The following ANK1 variants were observed in gnomAD, a reference collection of about 807,000 sequenced individuals.
The protein encoded by ANK1 is ankyrin 1, also known as ankyrin-1.
Under a neutral mutation model 210.4 loss-of-function variants are expected in ANK1, and 51 were observed. That is an observed-to-expected ratio of 0.24 (90% CI 0.19 to 0.31). The LOEUF (loss-of-function observed/expected upper bound fraction) is 0.31, where lower values mean the gene tolerates loss of function less well. ANK1 is among the 10% of genes least tolerant of loss of function. The pLI, the probability that ANK1 is intolerant of heterozygous loss-of-function variation, is 1.00. For missense variants in ANK1, 2,051 were observed against 2,504.4 expected (o/e 0.82, Z 3.86); for synonymous variants, 967 against 1,025.9 (o/e 0.94, Z 1.10).
chr8:41,735,977 A>C (rs1352043384), intron 2 of ANK1, among the ~76,000 whole-genome samples: 1 of 151,918 alleles, frequency 6.6e-6, no homozygotes, highest in Non-Finnish European at 1.5e-5. Flanking sequence ...GGGGTGGTTC[A>C]CCAAATATTT....
chr8:41,751,389 G>A (rs1350850257), intron 2 of ANK1, among the ~76,000 whole-genome samples: 2 of 152,174 alleles, frequency 1.3e-5, no homozygotes, highest in Non-Finnish European at 2.9e-5. Context: ...CCTGCTCGAT[G>A]TTACCAAGCC....
intron 2 of ANK1, among the ~76,000 whole-genome samples, chr8:41,741,273 C>T (rs1249609292): frequency 2.0e-5 from 3 of 152,198 alleles, no homozygotes; most frequent in Admixed American, 6.5e-5. Context: ...CCTCCCTCCA[C>T]CCCTGCCTGC....
At chr8:41,661,281 G>T in intron 42 of ANK1, 149 bp downstream of exon 42, 2 of 1,213,364 alleles carry the variant, frequency 1.6e-6, no homozygotes, top group Non-Finnish European at 2.3e-6. Flanking sequence ...TAGCAGGGTT[G>T]GGAAGTGAGA....
Position 41,859,104 on chromosome 8 carries a change from A to C in ANK1, c.126+37251T>G, listed in dbSNP as rs376889765. On this transcript the variant is annotated intron_variant, in intron 1 of 42. Coordinates refer to the ANK1 transcript ENST00000265709. ...GGGTCAAGGGAATCGGGTCCTGGGGATTTCCCGCCCAAAGAGCGCAGGCCC... is the reference window on the plus strand; with the variant it reads ...GGGTCAAGGGAATCGGGTCCTGGGGCTTTCCCGCCCAAAGAGCGCAGGCCC... 1.8e-4 allele frequency among the ~76,000 whole-genome samples: 27 copies of C among 152,316 alleles called. No individual in the cohort carries two copies. In the East Asian group the frequency reaches 5.2e-3, roughly 29 times the overall value.
At chr8:41,848,673 T>A (rs1810568092) in intron 1 of ANK1, among the ~76,000 whole-genome samples, 1 of 152,246 alleles carries the variant, frequency 6.6e-6, no homozygotes, top group South Asian at 2.1e-4. Context: ...TCTCACCCTT[T>A]TTGAAAGAGA....
Position 41,716,946 on chromosome 8 carries a change from T to C in ANK1, c.1404+7A>G. 1.2e-6 allele frequency: 2 copies of C among 1,613,680 alleles called. No homozygotes were observed. The highest frequency in any genetic ancestry group is 1.7e-6 in the Non-Finnish European group (2 of 1,179,852). On this transcript the variant is annotated splice_region_variant and intron_variant, in intron 13 of 42. Transcript: ENST00000289734. ...GAAACCCTTCCCTTCCTGCCTTCAC[T>C]ACTCACCTTGGCCTTGGCATTGACT...
chr8:41,832,868 G>A (rs1806938247), intron 1 of ANK1, among the ~76,000 whole-genome samples: 1 of 152,230 alleles, frequency 6.6e-6, no homozygotes, highest in Non-Finnish European at 1.5e-5. Flanking sequence ...CACCACACCA[G>A]AAGGTAATCC....
chr8:41,793,687 T>G (rs1463352834), intron 1 of ANK1, among the ~76,000 whole-genome samples: 1 of 152,218 alleles, frequency 6.6e-6, no homozygotes, highest in Non-Finnish European at 1.5e-5. Flanking sequence ...TGACAGCTCA[T>G]GCTCCAGAAC....
In ANK1 at chr8:41,690,237, G is replaced by A. The variant is rs771548626; in HGVS notation, c.4094C>T (p.Pro1365Leu). The change falls in exon 33 of 43, where the codon CCC becomes CTC. Residue 1365 changes from proline to leucine, a missense_variant. By Grantham distance (98) the Pro-to-Leu change is moderately conservative. Coordinates refer to ENST00000289734, the MANE Select transcript of ANK1 (RefSeq NM_000037.4). ...CAGGTGCCAGCTCACCTTGGCGCAG[G>A]GGGGCATGGTGATGTTCAGGTGGCA... ...ILCHLNITMP[P>L]CAKGSGAEDR... 9 of 1,614,108 alleles carry A rather than the reference G, an allele frequency of 5.6e-6. No homozygotes were observed. The highest frequency in any genetic ancestry group is 2.2e-5 in the South Asian group (2 of 91,092).
At position 41,756,793 on chromosome 8, in the gene ANK1, G is replaced by C. The variant is rs1372130893; in HGVS notation, c.129+1243C>G. On this transcript the variant is annotated intron_variant, in intron 2 of 42. Coordinates refer to ENST00000289734, the MANE Select transcript of ANK1 (RefSeq NM_000037.4). ...GGATGGATAGGGAAACAGTAGATGA[G>C]GGGGTAGGACAGAGGCATGTCGCCC... Among the ~76,000 whole-genome samples, 4 of 152,204 alleles carry C rather than the reference G, an allele frequency of 2.6e-5. No individual in the cohort carries two copies. The East Asian group carries it at 7.7e-4, about 29-fold the overall frequency.
chr8:41,727,548 C>G (rs766476774), intron 4 of ANK1, among the ~76,000 whole-genome samples, 200 bp from the exon 5 acceptor site: 1 of 152,162 alleles, frequency 6.6e-6, no homozygotes, highest in Admixed American at 6.5e-5. Context: ...TGCCTCCCCT[C>G]GCCACCGTAG....
chr8:41,696,901 C>T (rs951260253), intron 24 of ANK1, 128 bp from the exon 25 acceptor site: 118 of 875,852 alleles, frequency 1.3e-4, no homozygotes, highest in Non-Finnish European at 1.9e-4. Flanking sequence ...AGTGCTCCCA[C>T]GGGACCCCAC....
In ANK1 at chr8:41,758,154, C is replaced by T. The variant is rs376541843; in HGVS notation, c.28-17G>A. ...AGCATCGGCCTGTGAGGAAAAACAA[C>T]AGGCGGTGAGTGTCCTGGGTGTATT... On this transcript the variant is annotated splice_polypyrimidine_tract_variant and intron_variant, in intron 1 of 42. Transcript: ENST00000289734. The T allele has an allele frequency of 3.9e-5, 63 of 1,610,368 alleles. No individual in the cohort carries two copies. The highest frequency in any genetic ancestry group is 5.1e-5 in the Non-Finnish European group (60 of 1,177,700).
At chr8:41,785,738 T>C (rs1380485201) in intron 1 of ANK1, among the ~76,000 whole-genome samples, 1 of 152,192 alleles carries the variant, frequency 6.6e-6, no homozygotes, top group Non-Finnish European at 1.5e-5. Flanking sequence ...GAATTGATCT[T>C]GCGGTCTCCA....
At chr8:41,754,734 A>C (rs1263304953) in intron 2 of ANK1, among the ~76,000 whole-genome samples, 2 of 152,208 alleles carry the variant, frequency 1.3e-5, no homozygotes, top group African/African-American at 4.8e-5. Flanking sequence ...CGCTGGGTGC[A>C]TTCGTGGGTT....
intron 42 of ANK1, among the ~76,000 whole-genome samples, chr8:41,660,018 A>G (rs915388221): frequency 5.3e-5 from 8 of 152,066 alleles, no homozygotes; most frequent in Non-Finnish European, 8.8e-5. Context: ...TAAGTCAGAA[A>G]AGTGTACTTT....
At chr8:41,790,561 C>G (rs1847461043) in intron 1 of ANK1, among the ~76,000 whole-genome samples, 1 of 152,078 alleles carries the variant, frequency 6.6e-6, no homozygotes. Context: ...ACCTCCCACC[C>G]CCACCCCACC....
rs1803661946 is a variant in ANK1 at position 41,818,360 on chromosome 8, T to C, written c.127-60223A>G. Among the ~76,000 whole-genome samples the C allele has an allele frequency of 2.6e-5, 4 of 152,304 alleles. No individual in the cohort carries two copies. The South Asian group carries it at 8.3e-4, about 32-fold the overall frequency. On this transcript the variant is annotated intron_variant, in intron 1 of 42. Transcript: ENST00000265709. ...GCACAGAAGAGGAATTTAGGCCAAA[T>C]TTAAACAATTTTAACTTGGTTCTAA...
intron 1 of ANK1, among the ~76,000 whole-genome samples, chr8:41,817,258 C>T (rs1049157640): frequency 6.6e-6 from 1 of 152,104 alleles, no homozygotes; most frequent in African/African-American, 2.4e-5. Flanking sequence ...GGCACATTTG[C>T]CTATTATCAG....
Sources: gnomAD v4.1 joint callset for allele counts (sites outside exome capture counted in the v4.1 genomes callset) on GRCh38, gnomAD v4.1.1 for gene constraint, MANE v1.5 for transcripts, NCBI Gene and HGNC (gene_info 2026-07-23, HGNC 2026-07-21) for gene names.